Variants in HS3ST5 observed in about 807,000 individuals in gnomAD.
HS3ST5 encodes the protein heparan sulfate glucosamine 3-O-sulfotransferase 5.
Under a neutral mutation model 25.4 loss-of-function variants are expected in HS3ST5, and 10 were observed. That is an observed-to-expected ratio of 0.39 (90% CI 0.24 to 0.67). The LOEUF (loss-of-function observed/expected upper bound fraction) is 0.67. Ranked by LOEUF, HS3ST5 falls within the 30% of genes least tolerant of loss-of-function variation. The pLI is 0.44. For synonymous variants in HS3ST5, 170 were observed against 162.4 expected (o/e 1.05, Z -0.36); for missense variants, 324 against 420.7 (o/e 0.77, Z 2.01).
At chr6:114,250,202 A>T (rs774234970) in intron 1 of HS3ST5, among the ~76,000 whole-genome samples, 17 of 152,286 alleles carry the variant, frequency 1.1e-4, no homozygotes, top group Admixed American at 5.2e-4. Flanking sequence ...ACAAATAGAG[A>T]TCTGAATTCT....
intron 3 of HS3ST5, among the ~76,000 whole-genome samples, chr6:114,065,955 T>C (rs1260327190): frequency 6.6e-6 from 1 of 152,200 alleles, no homozygotes; most frequent in Non-Finnish European, 1.5e-5. Flanking sequence ...ACCTGTCTGT[T>C]TTTAGCTCCA....
In HS3ST5 at chr6:114,342,682, G is replaced by C. The variant is rs1364558430; in HGVS notation, c.-826C>G. 6.6e-6 allele frequency: 1 copy of C among 152,640 alleles called. No individual in the cohort carries two copies. The highest frequency in any genetic ancestry group is 2.4e-5 in the African/African-American group (1 of 41,454). 9.5% of individuals were successfully genotyped at this position (152,640 alleles called of 1,614,324 possible). A position where few individuals can be genotyped will look rare whatever the true frequency, so the allele number is the denominator to read the frequency against. ...CTTGCCCCACGAGGGCACCGGCGCA[G>C]CCCCGGACCCTGCGCGCAGAGGGCG... On this transcript the variant is annotated 5_prime_UTR_variant, in exon 1 of 5. Coordinates refer to ENST00000312719, the MANE Select transcript of HS3ST5 (RefSeq NM_153612.4).
intron 3 of HS3ST5, among the ~76,000 whole-genome samples, chr6:114,166,013 T>A (rs1182843394): frequency 6.6e-6 from 1 of 151,970 alleles, no homozygotes; most frequent in African/African-American, 2.4e-5. Context: ...AGACCCCATC[T>A]CTAAAAAACT....
intron 1 of HS3ST5, among the ~76,000 whole-genome samples, chr6:114,322,959 T>C (rs1210345676): frequency 6.6e-6 from 1 of 152,144 alleles, no homozygotes; most frequent in Non-Finnish European, 1.5e-5. Flanking sequence ...GAGGAAAGCA[T>C]TTAGAGCCAG....
intron 1 of HS3ST5, 109 bp from the exon 2 acceptor site, chr6:114,228,887 TG>T (rs1771436098): frequency 1.3e-5 from 2 of 152,246 alleles, no homozygotes; most frequent in Non-Finnish European, 2.9e-5. Context: ...CAGGGTTTGC[TG>T]CTCCCTGATT....
At chr6:114,334,326 C>G (rs1776522581) in intron 1 of HS3ST5, among the ~76,000 whole-genome samples, 1 of 152,082 alleles carries the variant, frequency 6.6e-6, no homozygotes, top group Non-Finnish European at 1.5e-5. Flanking sequence ...TTTCCAGTGC[C>G]CTCTCATCCT....
At chr6:114,167,018 C>T (rs924434462) in intron 3 of HS3ST5, among the ~76,000 whole-genome samples, 1 of 152,210 alleles carries the variant, frequency 6.6e-6, no homozygotes, top group Admixed American at 6.5e-5. Flanking sequence ...CAGGGTCTCA[C>T]TTTGTCACCC....
At chr6:114,205,152 C>T (rs189522768) in intron 2 of HS3ST5, among the ~76,000 whole-genome samples, 1 of 152,240 alleles carries the variant, frequency 6.6e-6, no homozygotes, top group East Asian at 1.9e-4. Context: ...GCAGATCCCA[C>T]ACGTTAAGGG....
At chr6:114,236,186 GTCT>G (rs1771846894) in intron 1 of HS3ST5, among the ~76,000 whole-genome samples, 1 of 151,872 alleles carries the variant, frequency 6.6e-6, no homozygotes, top group South Asian at 2.1e-4. Context: ...TTTTTTTCAG[GTCT>G]TCTAAAAAAG....
At chr6:114,311,541 T>C (rs936779617) in intron 1 of HS3ST5, among the ~76,000 whole-genome samples, 2 of 69,402 alleles carry the variant, frequency 2.9e-5, no homozygotes, top group South Asian at 5.3e-4. Context: ...CTCTCTCTCT[T>C]TTTTTTTTTT....
At chr6:114,254,300 C>A (rs1308762380) in intron 1 of HS3ST5, among the ~76,000 whole-genome samples, 1 of 152,184 alleles carries the variant, frequency 6.6e-6, no homozygotes, top group Non-Finnish European at 1.5e-5. Context: ...CTGGCAGGTT[C>A]AACATGGCTT....
At chr6:114,327,660 A>AT (rs79383729) in intron 1 of HS3ST5, among the ~76,000 whole-genome samples, 13 of 150,300 alleles carry the variant, frequency 8.6e-5, no homozygotes, top group African/African-American at 9.8e-5. Context: ...ATGCAACATC[A>AT]TTTTTTTTTT....
intron 3 of HS3ST5, among the ~76,000 whole-genome samples, chr6:114,154,220 A>G (rs527385336): frequency 6.6e-6 from 1 of 152,320 alleles, no homozygotes; most frequent in East Asian, 1.9e-4. Flanking sequence ...GTGTGACTAG[A>G]GAAGTCTGTG....
intron 3 of HS3ST5, among the ~76,000 whole-genome samples, chr6:114,148,655 T>A (rs1778291658): frequency 2.0e-5 from 3 of 151,974 alleles, no homozygotes; most frequent in Admixed American, 2.0e-4. Flanking sequence ...GAAGAAAACG[T>A]AGGCAATACC....
At chr6:114,327,848 T>C (rs1188710454) in intron 1 of HS3ST5, among the ~76,000 whole-genome samples, 1 of 152,194 alleles carries the variant, frequency 6.6e-6, no homozygotes, top group Non-Finnish European at 1.5e-5. Flanking sequence ...ATTGCTAGTT[T>C]TAGTCATCTT....
At position 114,129,226 on chromosome 6, in the gene HS3ST5, T is replaced by C. The variant is rs564202641; in HGVS notation, c.-33+39125A>G. Among the ~76,000 whole-genome samples the C allele has an allele frequency of 6.7e-4, 101 of 150,642 alleles. 1 individual carries two copies. Among genetic ancestry groups the C allele is most frequent in the African/African-American group, 2.0e-3 (84 of 41,082 alleles). Reference sequence around the variant, plus strand: ...CAGGAGCTGGAGATGCAAAGACAATTGAGACACACACCTGCAACAAGAACC... The same window carrying C: ...CAGGAGCTGGAGATGCAAAGACAATCGAGACACACACCTGCAACAAGAACC... On this transcript the variant is annotated intron_variant, in intron 3 of 4. Transcript: ENST00000312719.
At chr6:114,197,253 T>C (rs535890812) in intron 2 of HS3ST5, among the ~76,000 whole-genome samples, 8 of 152,164 alleles carry the variant, frequency 5.3e-5, no homozygotes, top group African/African-American at 1.4e-4. Flanking sequence ...GACTATATAT[T>C]CTGTATTATT....
At chr6:114,204,551 T>C (rs1219787313) in intron 2 of HS3ST5, among the ~76,000 whole-genome samples, 3 of 152,216 alleles carry the variant, frequency 2.0e-5, no homozygotes, top group Non-Finnish European at 4.4e-5. Context: ...CTAAAACTTC[T>C]GTACTGGTAA....
intron 3 of HS3ST5, chr6:114,084,429 C>G (rs913268727): frequency 1.2e-5 from 9 of 756,208 alleles, no homozygotes; most frequent in Non-Finnish European, 2.2e-5. Context: ...CTTTTTCAGT[C>G]TCTTCAGGAT....
Sources: gnomAD v4.1 joint callset for allele counts (sites outside exome capture counted in the v4.1 genomes callset) on GRCh38, gnomAD v4.1.1 for gene constraint, MANE v1.5 for transcripts, NCBI Gene and HGNC (gene_info 2026-07-23, HGNC 2026-07-21) for gene names.